Variants in AMOTL2 observed in about 807,000 individuals in gnomAD.
AMOTL2 encodes angiomotin-like protein 2.
In AMOTL2, 33 loss-of-function variants were observed where a neutral mutation model predicts 78.4. The ratio of observed to expected loss-of-function variants is 0.42; its 90% CI spans 0.32 to 0.56. The LOEUF (loss-of-function observed/expected upper bound fraction) is 0.56. Ranked by LOEUF, AMOTL2 falls within the 20% of genes least tolerant of loss-of-function variation. The pLI, the probability that AMOTL2 is intolerant of heterozygous loss-of-function variation, is 0.12. For synonymous variants in AMOTL2, 422 were observed against 428.8 expected (o/e 0.98, Z 0.20); for missense variants, 983 against 1,030.1 (o/e 0.95, Z 0.63).
chr3:134,359,592 C>CA lies in AMOTL2; in HGVS notation c.1884-90_1884-89insT, dbSNP rs879782701. 412 of 968,456 alleles carry CA rather than the reference C, an allele frequency of 4.3e-4. 1 individual carries two copies. Among genetic ancestry groups the CA allele is most frequent in the Non-Finnish European group, 5.5e-4 (372 of 680,156 alleles). 60.0% of individuals were successfully genotyped at this position (968,456 alleles called of 1,614,324 possible). ...TGCCTCATAGGAGTTAGAGGAAAAGCCCCCCCCAACTCCCCCAACCCTGCC... is the reference window on the plus strand; with the variant it reads ...TGCCTCATAGGAGTTAGAGGAAAAGCACCCCCCCAACTCCCCCAACCCTGCC... On this transcript the variant is annotated intron_variant, in intron 7 of 9. Coordinates refer to ENST00000249883, the MANE Select transcript of AMOTL2 (RefSeq NM_016201.4).
chr3:134,359,916 T>C (rs2017275505), intron 7 of AMOTL2, among the ~76,000 whole-genome samples, 190 bp downstream of exon 7: 2 of 152,156 alleles, frequency 1.3e-5, no homozygotes, highest in Non-Finnish European at 2.9e-5. Context: ...GACCAAGGAC[T>C]CGGTATTTCT....
In AMOTL2 at chr3:134,358,493, G is replaced by T. The variant is rs113036325; in HGVS notation, c.2284+47C>A. ...CTTGTGTTCCAGTTCACACCCCAGT[G>T]CCCCCTCGGCCCTACCTAGCACAGA... On this transcript the variant is annotated intron_variant, in intron 9 of 9. Transcript: ENST00000249883. 3,239 of 1,571,796 alleles carry T rather than the reference G, an allele frequency of 2.1e-3. 49 individuals carry two copies. The African/African-American group carries it at 0.039, about 19-fold the overall frequency.
chr3:134,363,450 TTCAGTTTGCCCAGG>T (rs2017462243), intron 5 of AMOTL2, among the ~76,000 whole-genome samples: 2 of 152,218 alleles, frequency 1.3e-5, no homozygotes, highest in South Asian at 4.1e-4. Context: ...CACCTGTGCG[TTCAGTTTGCCCAGG>T]GCCTGCATCT....
At chr3:134,374,916 TGTGTGTGTGTGC>T (rs1238912871), upstream of AMOTL2, 111 of 1,278,114 alleles carry the variant, frequency 8.7e-5, no homozygotes, top group Admixed American at 1.4e-4. Context: ...TGTGTGTGTG[TGTGTGTGTGTGC>T]GTGTGTGTGT....
intron 5 of AMOTL2, among the ~76,000 whole-genome samples, chr3:134,363,563 C>G (rs2017467733): frequency 6.6e-6 from 1 of 152,202 alleles, no homozygotes; most frequent in South Asian, 2.1e-4. Flanking sequence ...AAGAAATATT[C>G]CCAAGGGGGT....
rs1221928950 is a variant in AMOTL2 at position 134,357,694 on chromosome 3, C to T, written c.*11G>A. 1 of 1,613,754 alleles carries T rather than the reference C, an allele frequency of 6.2e-7. No homozygotes were observed. The highest frequency in any genetic ancestry group is 1.7e-5 in the Admixed American group (1 of 60,018). On this transcript the variant is annotated 3_prime_UTR_variant, in exon 10 of 10. Transcript: ENST00000249883. The stretch of plus-strand genomic sequence containing the variant: ...GAGAGAATGGCTCAGAGTCCTGAAG[C>T]ACCACCTCCTTCAGATCAGTATCTC...
At chr3:134,373,677 C>T (rs865883403) in intron 1 of AMOTL2, 1 of 985,468 alleles carries the variant, frequency 1.0e-6, no homozygotes, top group Middle Eastern at 5.2e-4. Flanking sequence ...ACCACGAGCC[C>T]GGGCGGACCT....
intron 9 of AMOTL2, 90 bp downstream of exon 9, chr3:134,358,450 G>C: frequency 6.8e-7 from 1 of 1,460,030 alleles, no homozygotes. Flanking sequence ...ACCCGGAGGG[G>C]GTCTGGGAAG....
In AMOTL2 at chr3:134,365,904, A is replaced by G; in HGVS notation, c.1192T>C (p.Leu398=). ...QDFNRDLRER[L]ESANRRLASK... is the part of the protein sequence containing the mutation. ...GCCAGGCGGCGATTTGCAGATTCCA[A>G]TCTCTCTGTTTCAAGGGAAGGAAAG... The change falls in exon 5 of 10, where the codon TTG becomes CTG. Residue 398 remains leucine, a synonymous_variant. Coordinates refer to ENST00000249883, the MANE Select transcript of AMOTL2 (RefSeq NM_016201.4). 6.2e-7 allele frequency: 1 copy of G among 1,614,060 alleles called. No individual in the cohort carries two copies. Among genetic ancestry groups the G allele is most frequent in the Non-Finnish European group, 8.5e-7 (1 of 1,179,988 alleles).
chr3:134,371,550 AAGG>A, intron 1 of AMOTL2, 56 bp from the exon 2 acceptor site: 1 of 1,525,668 alleles, frequency 6.6e-7, no homozygotes, highest in Non-Finnish European at 8.8e-7. Context: ...ACCCATGGGA[AAGG>A]AGAAGGCTTT....
chr3:134,374,015 T>G, intron 1 of AMOTL2: 3 of 192,232 alleles, frequency 1.6e-5, no homozygotes, highest in Non-Finnish European at 1.8e-5. Flanking sequence ...TCCATCCCTG[T>G]CCCCCGCCAC....
At chr3:134,363,846 C>A (rs1165753752) in intron 5 of AMOTL2, among the ~76,000 whole-genome samples, 2 of 152,218 alleles carry the variant, frequency 1.3e-5, no homozygotes, top group Non-Finnish European at 2.9e-5. Flanking sequence ...CCGGAGGACC[C>A]AGCCCTCTGC....
Position 134,367,652 on chromosome 3 carries a change from G to A in AMOTL2, c.886C>T (p.Pro296Ser). Reference sequence around the variant, plus strand: ...GCTGAGGAGGCCTGGGCACTCACTGGCCCCTCCACAGCAGGTGGACTGAGG... The same window carrying A: ...GCTGAGGAGGCCTGGGCACTCACTGACCCCTCCACAGCAGGTGGACTGAGG... Reference protein sequence around the residue: ...SSLSPPAVEGPVSAQASSATS... With the variant: ...SSLSPPAVEGSVSAQASSATS... The change falls in exon 3 of 10, where the codon CCA (proline) becomes TCA (serine). Residue 296 changes from proline (P) to serine (S), a missense_variant. Coordinates refer to ENST00000249883, the MANE Select transcript of AMOTL2 (RefSeq NM_016201.4). 6.2e-7 allele frequency: 1 copy of A among 1,613,358 alleles called. No homozygotes were observed. Among genetic ancestry groups the A allele is most frequent in the African/African-American group, 1.3e-5 (1 of 75,032 alleles).
chr3:134,367,940 T>C (rs754276935), intron 2 of AMOTL2, 137 bp from the exon 3 acceptor site: 91 of 684,032 alleles, frequency 1.3e-4, no homozygotes, highest in Admixed American at 1.0e-3. Flanking sequence ...ATTATTAAAA[T>C]TACTGCAGAT....
At chr3:134,361,447 C>T in intron 6 of AMOTL2, 65 bp downstream of exon 6, 2 of 1,487,182 alleles carry the variant, frequency 1.3e-6, no homozygotes, top group Non-Finnish European at 1.8e-6. Context: ...ACCTACAGTC[C>T]CCGAGGAGGA....
At chr3:134,369,108 T>C (rs1353589502) in intron 2 of AMOTL2, among the ~76,000 whole-genome samples, 8 of 152,204 alleles carry the variant, frequency 5.3e-5, no homozygotes, top group African/African-American at 1.9e-4. Context: ...CTAGCCCGTT[T>C]CCTAACAAAT....
At chr3:134,368,198 G>A (rs1458669773) in intron 2 of AMOTL2, among the ~76,000 whole-genome samples, 1 of 152,182 alleles carries the variant, frequency 6.6e-6, no homozygotes, top group Non-Finnish European at 1.5e-5. Flanking sequence ...ATCAATGGAA[G>A]GTTATTTTTG....
At chr3:134,374,119 G>C in intron 1 of AMOTL2, 1 of 603,158 alleles carries the variant, frequency 1.7e-6, no homozygotes, top group Non-Finnish European at 2.1e-6. Flanking sequence ...AGACCCGCGC[G>C]TTTCTAGAGC....
chr3:134,369,964 C>T (rs569273095), intron 2 of AMOTL2, among the ~76,000 whole-genome samples: 1 of 152,348 alleles, frequency 6.6e-6, no homozygotes, highest in East Asian at 1.9e-4. Flanking sequence ...ACAAACCATG[C>T]TCTGCATGTA....
Sources: allele counts gnomAD v4.1 joint callset (sites outside exome capture counted in the v4.1 genomes callset), GRCh38; gene constraint gnomAD v4.1.1; transcripts MANE v1.5; gene names NCBI Gene and HGNC (gene_info 2026-07-23, HGNC 2026-07-21).